Variants in ADPRHL1 observed in about 807,000 individuals in gnomAD.
ADPRHL1 encodes inactive ADP-ribosyltransferase ARH2.
ADPRHL1 carries 43 observed loss-of-function variants against 44.1 expected under a neutral mutation model. The ratio of observed to expected loss-of-function variants is 0.98; its 90% CI spans 0.76 to 1.26. The LOEUF (loss-of-function observed/expected upper bound fraction) is 1.26, where lower values mean the gene tolerates loss of function less well. ADPRHL1 is among the 50% of genes most tolerant of loss of function. The probability of loss-of-function intolerance (pLI) is 0.00; values close to 1 mark genes in which losing one functional copy is unlikely to be tolerated. For synonymous variants in ADPRHL1, 878 were observed against 1,017.4 expected (o/e 0.86, Z 2.61); for missense variants, 2,022 against 2,496.9 (o/e 0.81, Z 4.05).
chr13:113,427,293 C>T (rs1435510594), intron 4 of ADPRHL1, among the ~76,000 whole-genome samples: 1 of 152,196 alleles, frequency 6.6e-6, no homozygotes, highest in African/African-American at 2.4e-5. Context: ...AATGGCGTGG[C>T]CCCATGCCTG....
chr13:113,446,338 G>A (rs1187026014), intron 1 of ADPRHL1, among the ~76,000 whole-genome samples: 2 of 151,638 alleles, frequency 1.3e-5, no homozygotes, highest in African/African-American at 2.4e-5. Context: ...CCCAGAGAGA[G>A]AGGGCTCCCG....
intron 4 of ADPRHL1, among the ~76,000 whole-genome samples, chr13:113,427,384 A>C (rs1222195158): frequency 6.6e-6 from 1 of 152,204 alleles, no homozygotes; most frequent in African/African-American, 2.4e-5. Flanking sequence ...TGCAGACAAC[A>C]ACCTCAGCTG....
At chr13:113,450,962 C>CCCT (rs1555328356) in intron 1 of ADPRHL1, among the ~76,000 whole-genome samples, 18 of 151,812 alleles carry the variant, frequency 1.2e-4, no homozygotes, top group African/African-American at 4.1e-4. Flanking sequence ...ACCCCCCCCC[C>CCCT]CTTCCTGGTC....
At position 113,403,369 on chromosome 13, in the gene ADPRHL1, C is replaced by G; in HGVS notation, c.*9G>C. 1 of 1,232,028 alleles carries G rather than the reference C, an allele frequency of 8.1e-7. No homozygotes were observed. Among genetic ancestry groups the G allele is most frequent in the Non-Finnish European group, 1.0e-6 (1 of 987,968 alleles). The allele number at this position is 1,232,028 out of a possible 1,614,324, so 76.3% of individuals were successfully genotyped here. A position where few individuals can be genotyped will look rare whatever the true frequency, so the allele number is the denominator to read the frequency against. On this transcript the variant is annotated 3_prime_UTR_variant, in exon 8 of 8. Transcript: ENST00000612156. The stretch of plus-strand genomic sequence containing the variant: ...AGTGCTGGGCGAGCCACGGTGTGTA[C>G]TCGGGGCCTCACTTTGGGAGCTCAG...
At position 113,412,781 on chromosome 13, in the gene ADPRHL1, A is replaced by G. The variant is rs112099008; in HGVS notation, c.1062-4561T>C. ...TCACCCACCGCCAACAGCGCCCCGC[A>G]GAACTCGGTTCACCCACCGCCAACA... is the stretch of plus-strand genomic sequence containing the variant. On this transcript the variant is annotated intron_variant, in intron 7 of 7. Coordinates refer to ENST00000612156, the MANE Select transcript of ADPRHL1 (RefSeq NM_001394807.1). 1.7e-3 allele frequency among the ~76,000 whole-genome samples: 159 copies of G among 92,442 alleles called. 1 individual carries two copies. The highest frequency in any genetic ancestry group is 3.0e-3 in the African/African-American group (71 of 23,874). 60.6% of individuals were successfully genotyped at this position (92,442 alleles called of 152,430 possible). A position where few individuals can be genotyped will look rare whatever the true frequency, so the allele number is the denominator to read the frequency against.
At position 113,444,587 on chromosome 13, in the gene ADPRHL1, A is replaced by G. The variant is rs1374212389; in HGVS notation, c.217T>C (p.Tyr73His). The G allele has an allele frequency of 6.2e-7, 1 of 1,613,164 alleles. No homozygotes were observed. Among genetic ancestry groups the G allele is most frequent in the Non-Finnish European group, 8.5e-7 (1 of 1,179,278 alleles). ...CGGTACAGATCATCCAGGCACCAGT[A>G]GTCTGCGGAAGAAAGGGAGGGCAGA... ...IATAEALTTD[Y>H]WCLDDLYREM... Residue 73 changes from tyrosine (Y) to histidine (H), a missense_variant and splice_region_variant, in exon 2 of 8, where the codon TAC (tyrosine) becomes CAC (histidine). Physicochemically the swap from Tyr to His is moderately conservative, Grantham distance 83. This residue lies in a region of ADPRHL1 where 437 missense variants were observed against 430.7 expected (regional missense o/e 1.01). Coordinates refer to ENST00000612156, the MANE Select transcript of ADPRHL1 (RefSeq NM_001394807.1).
intron 1 of ADPRHL1, among the ~76,000 whole-genome samples, chr13:113,446,221 A>G (rs964862826): frequency 1.1e-4 from 16 of 139,382 alleles, no homozygotes; most frequent in African/African-American, 4.3e-4. Context: ...AACCCCCTAG[A>G]GAGCGCTCAG....
rs1595534233 is a variant in ADPRHL1 at position 113,403,053 on chromosome 13, T to G, written c.*325A>C. On this transcript the variant is annotated 3_prime_UTR_variant, in exon 8 of 8. Coordinates refer to ENST00000612156, the MANE Select transcript of ADPRHL1 (RefSeq NM_001394807.1). ...GCACACACCGTGCCACTGCGGGAGG[T>G]GTGAGCTCCACGCTGCAGGCTGTGT... 1 of 202,134 alleles carries G rather than the reference T, an allele frequency of 4.9e-6. No homozygotes were observed. 12.5% of individuals were successfully genotyped at this position (202,134 alleles called of 1,614,324 possible). A position where few individuals can be genotyped will look rare whatever the true frequency, so the allele number is the denominator to read the frequency against.
chr13:113,423,545 C>A (rs921130260), intron 6 of ADPRHL1, among the ~76,000 whole-genome samples: 3 of 152,214 alleles, frequency 2.0e-5, no homozygotes, highest in Non-Finnish European at 4.4e-5. Flanking sequence ...TGTGGTCAAG[C>A]TCAGCTCCAA....
intron 3 of ADPRHL1, among the ~76,000 whole-genome samples, chr13:113,431,975 C>T (rs1050393617): frequency 6.6e-6 from 1 of 152,208 alleles, no homozygotes. Context: ...CCTTGGCACC[C>T]CCAAAGTGCT....
intron 2 of ADPRHL1, among the ~76,000 whole-genome samples, chr13:113,434,355 CAGGATGAACATAGGTGTACCCT>C (rs1193020272): frequency 0.011 from 1,433 of 128,966 alleles, 16 homozygotes; most frequent in African/African-American, 0.029. Context: ...CATCCAGGTG[CAGGATGAACATAGGTGTACCCT>C]GGGACCCAGC....
intron 3 of ADPRHL1, among the ~76,000 whole-genome samples, chr13:113,431,550 G>A (rs1252260839): frequency 6.6e-6 from 1 of 152,234 alleles, no homozygotes; most frequent in East Asian, 1.9e-4. Context: ...AGCACGCGAT[G>A]CAGGCTGTAA....
At chr13:113,452,895 G>A (rs2044187268) in intron 1 of ADPRHL1, among the ~76,000 whole-genome samples, 1 of 152,176 alleles carries the variant, frequency 6.6e-6, no homozygotes, top group Non-Finnish European at 1.5e-5. Context: ...AGGCTTCACT[G>A]GCTTTAACTC....
chr13:113,422,638 G>T, intron 7 of ADPRHL1, 188 bp downstream of exon 7: 1 of 753,492 alleles, frequency 1.3e-6, no homozygotes, highest in Non-Finnish European at 2.1e-6. Flanking sequence ...ATTCTCGCAG[G>T]ACAAACAATG....
intron 1 of ADPRHL1, among the ~76,000 whole-genome samples, chr13:113,445,284 G>A (rs1442114683): frequency 6.6e-6 from 1 of 152,248 alleles, no homozygotes. Flanking sequence ...GCTCAGTGAG[G>A]TTATGTGTCT....
At chr13:113,416,519 G>A (rs1318401192) in intron 7 of ADPRHL1, among the ~76,000 whole-genome samples, 1 of 152,118 alleles carries the variant, frequency 6.6e-6, no homozygotes, top group Admixed American at 6.5e-5. Flanking sequence ...GGGTTCCAGG[G>A]ATGCTTGCCT....
rs2043781576 is a variant in ADPRHL1, at chr13:113,403,758, C to T, written c.5524G>A (p.Ala1842Thr). 1 of 1,232,762 alleles carries T rather than the reference C, an allele frequency of 8.1e-7. No homozygotes were observed. The highest frequency in any genetic ancestry group is 1.5e-5 in the African/African-American group (1 of 64,530). The allele number at this position is 1,232,762 out of a possible 1,614,324, so 76.4% of individuals were successfully genotyped here. Residue 1842 changes from alanine to threonine, a missense_variant, in exon 8 of 8, where the codon GCC becomes ACC. By Grantham distance (58) the Ala-to-Thr change is moderately conservative (BLOSUM62 0). Transcript: ENST00000612156. ...CCTGACTGTCCACCATCCCTGGGGG[C>T]TGGGCTTCTGGACCCCCCACTCCTG... ...AGRSGGSRSP[A>T]PRDGGQSGGS...
chr13:113,444,611 G>C, intron 1 of ADPRHL1, 22 bp from the exon 2 acceptor site: 1 of 1,610,648 alleles, frequency 6.2e-7, no homozygotes, highest in East Asian at 2.2e-5. Flanking sequence ...AGGGAGGGCA[G>C]ACATCAGAGC....
At chr13:113,445,113 T>C (rs930818912) in intron 1 of ADPRHL1, among the ~76,000 whole-genome samples, 1 of 152,146 alleles carries the variant, frequency 6.6e-6, no homozygotes, top group Admixed American at 6.5e-5. Context: ...CCACAAGCAG[T>C]GTTCCGGAAA....
Sources: gnomAD v4.1 joint callset for allele counts (sites outside exome capture counted in the v4.1 genomes callset) on GRCh38, gnomAD v4.1.1 for gene constraint, gnomAD v4.1.1 regional missense constraint, MANE v1.5 for transcripts, NCBI Gene and HGNC (gene_info 2026-07-23, HGNC 2026-07-21) for gene names.